PIP5K1A: variants seen among roughly 807,000 people sequenced by gnomAD.
PIP5K1A encodes phosphatidylinositol 4-phosphate 5-kinase type-1 alpha.
A neutral mutation model predicts 72.9 loss-of-function variants in PIP5K1A; 46 were observed. The observed-to-expected ratio is 0.63, with a 90% CI of 0.50 to 0.81. The LOEUF (loss-of-function observed/expected upper bound fraction) is 0.81. Ranked by LOEUF, PIP5K1A falls within the 30% of genes least tolerant of loss-of-function variation. The pLI is 0.00. For missense variants in PIP5K1A, 458 were observed against 706.1 expected (o/e 0.65, Z 3.98); for synonymous variants, 228 against 255.1 (o/e 0.89, Z 1.01).
In PIP5K1A at chr1:151,232,625, C is replaced by T. The variant is rs777769581; in HGVS notation, c.561C>T (p.Ser187=). ...GASGSLFYVS[S]DDEFIIKTVQ... is the part of the protein sequence containing the mutation. ...GTGGTTCCCTATTCTATGTGTCCAG[C>T]GACGATGAGTTCATTATTAAGACAG... Residue 187 remains serine, a synonymous_variant, in exon 7 of 16, where the codon AGC becomes AGT. Transcript: ENST00000368888. 51 of 1,612,138 alleles carry T rather than the reference C, an allele frequency of 3.2e-5. No individual in the cohort carries two copies. Among genetic ancestry groups the T allele is most frequent in the Admixed American group, 1.9e-4 (11 of 59,316 alleles).
At chr1:151,197,662 C>T (rs1684682037), upstream of PIP5K1A, among the ~76,000 whole-genome samples, 1 of 152,200 alleles carries the variant, frequency 6.6e-6, no homozygotes, top group Non-Finnish European at 1.5e-5. Flanking sequence ...GAATGTTTTA[C>T]CATTCCTCTT....
chr1:151,204,152 C>G lies in PIP5K1A; in HGVS notation c.85+5071C>G, dbSNP rs12057875. Among the ~76,000 whole-genome samples the G allele has an allele frequency of 7.3e-3, 1,108 of 152,114 alleles. 14 individuals carry two copies. Among genetic ancestry groups the G allele is most frequent in the African/African-American group, 0.025 (1,036 of 41,510 alleles). On this transcript the variant is annotated intron_variant, in intron 1 of 15. Transcript: ENST00000368888. Reference sequence around the variant, plus strand: ...TGTAACCTGCAGTAATCTGTTAACTCCAGTAGTAGGGATTATTGTTGATAT... The same window carrying G: ...TGTAACCTGCAGTAATCTGTTAACTGCAGTAGTAGGGATTATTGTTGATAT...
rs587654612 is a variant in PIP5K1A, at chr1:151,200,494, T to C, written c.85+1413T>C. Among the ~76,000 whole-genome samples the C allele has an allele frequency of 2.6e-5, 4 of 152,218 alleles. No homozygotes were observed. In the South Asian group the frequency reaches 8.3e-4, roughly 32 times the overall value. ...TCTGGTGTTTCACAGTAACTGCTGC[T>C]TCTACACTGGAATAGACGCTGCCAG... On this transcript the variant is annotated intron_variant, in intron 1 of 15. Coordinates refer to ENST00000368888, the MANE Select transcript of PIP5K1A (RefSeq NM_001135638.2).
chr1:151,224,494 A>G (rs1688830235), intron 3 of PIP5K1A, 88 bp downstream of exon 3: 1 of 965,276 alleles, frequency 1.0e-6, no homozygotes, highest in African/African-American at 1.6e-5. Flanking sequence ...TTTTTAATGT[A>G]CCAAATGCAA....
upstream of PIP5K1A, chr1:151,198,515 G>A (rs1053780273): frequency 1.0e-5 from 2 of 196,788 alleles, no homozygotes; most frequent in Admixed American, 5.5e-5. Flanking sequence ...TGAGTGGGCT[G>A]ATGCCCCGAG....
In PIP5K1A at chr1:151,245,947, C is replaced by G. The variant is rs182495901; in HGVS notation, c.1641-973C>G. Among the ~76,000 whole-genome samples the G allele has an allele frequency of 4.4e-3, 672 of 152,186 alleles. 6 individuals carry two copies. The highest frequency in any genetic ancestry group is 0.014 in the Middle Eastern group (4 of 294). ...TACCCCCAAACTTAGCTGTTGAAAA[C>G]AAACATTTGTTATCTCAGTCTGGGT... is the stretch of plus-strand genomic sequence containing the variant. On this transcript the variant is annotated intron_variant, in intron 14 of 15. Coordinates refer to ENST00000368888, the MANE Select transcript of PIP5K1A (RefSeq NM_001135638.2).
chr1:151,198,534 G>C (rs1684749127), upstream of PIP5K1A: 1 of 194,406 alleles, frequency 5.1e-6, no homozygotes, highest in Non-Finnish European at 1.1e-5. Flanking sequence ...AGAAGGTCGG[G>C]CGCATGCGCA....
intron 7 of PIP5K1A, chr1:151,233,834 A>C (rs1027090135): frequency 4.6e-6 from 1 of 216,084 alleles, no homozygotes; most frequent in Admixed American, 5.2e-5. Context: ...TCTGATTGCT[A>C]TTGGAGGTTC....
At chr1:151,209,193 CAG>C (rs1306423240) in intron 1 of PIP5K1A, among the ~76,000 whole-genome samples, 6 of 152,098 alleles carry the variant, frequency 3.9e-5, no homozygotes, top group Non-Finnish European at 8.8e-5. Context: ...TAACTAGGAC[CAG>C]AGAGATTGCC....
At chr1:151,236,914 A>C in intron 9 of PIP5K1A, 151 bp downstream of exon 9, 1 of 585,692 alleles carries the variant, frequency 1.7e-6, no homozygotes. Context: ...TACTACCTCC[A>C]CCTCCTGGGT....
At chr1:151,225,888 C>T (rs1226003665) in intron 3 of PIP5K1A, among the ~76,000 whole-genome samples, 10 of 148,606 alleles carry the variant, frequency 6.7e-5, no homozygotes, top group Non-Finnish European at 1.5e-5. Flanking sequence ...GTGATTCTCC[C>T]GCCTCAGCCT....
intron 8 of PIP5K1A, 62 bp downstream of exon 8, chr1:151,234,558 C>T: frequency 7.3e-7 from 1 of 1,373,222 alleles, no homozygotes; most frequent in Non-Finnish European, 1.0e-6. Context: ...TGTTCTTAGG[C>T]ATTAAGTTTG....
chr1:151,210,680 G>A (rs1453503887), intron 1 of PIP5K1A, among the ~76,000 whole-genome samples: 1 of 152,064 alleles, frequency 6.6e-6, no homozygotes, highest in African/African-American at 2.4e-5. Flanking sequence ...CCGTCTCCTG[G>A]GTTCAAGTGA....
intron 8 of PIP5K1A, 100 bp downstream of exon 8, chr1:151,234,596 C>T (rs1045139342): frequency 2.3e-6 from 2 of 865,630 alleles, no homozygotes; most frequent in Non-Finnish European, 1.9e-6. Flanking sequence ...TTCCTTAGCA[C>T]TGTATGTCCT....
At chr1:151,220,776 G>C (rs1051068979) in intron 1 of PIP5K1A, among the ~76,000 whole-genome samples, 1 of 152,064 alleles carries the variant, frequency 6.6e-6, no homozygotes, top group Admixed American at 6.6e-5. Flanking sequence ...CTATCACCTA[G>C]CTTTGATAAC....
At position 151,239,243 on chromosome 1, in the gene PIP5K1A, C is replaced by G. The variant is rs587616467; in HGVS notation, c.1278+65C>G. ...TGCCTCCATCACTTCTGATTGGCCTCAGTTTCTTGCAATTTTTTCTTTTTT... is the reference window on the plus strand; with the variant it reads ...TGCCTCCATCACTTCTGATTGGCCTGAGTTTCTTGCAATTTTTTCTTTTTT... On this transcript the variant is annotated intron_variant, in intron 11 of 15. Coordinates refer to ENST00000368888, the MANE Select transcript of PIP5K1A (RefSeq NM_001135638.2). 2.6e-5 allele frequency: 26 copies of G among 987,360 alleles called. No homozygotes were observed. In the South Asian group the frequency reaches 3.6e-4, roughly 14 times the overall value. The allele number at this position is 987,360 out of a possible 1,614,324, so 61.2% of individuals were successfully genotyped here.
intron 3 of PIP5K1A, among the ~76,000 whole-genome samples, chr1:151,225,450 T>TA (rs1472299461): frequency 2.0e-5 from 3 of 149,434 alleles, no homozygotes; most frequent in Non-Finnish European, 4.4e-5. Context: ...TAGACTGCTA[T>TA]ACTGGTTTAC....
intron 1 of PIP5K1A, chr1:151,213,534 A>T (rs1687153651): frequency 6.6e-6 from 1 of 152,160 alleles, no homozygotes; most frequent in Non-Finnish European, 1.5e-5. Context: ...AATCTCTTAT[A>T]TGTGCTGATA....
chr1:151,204,327 C>G (rs768783651), intron 1 of PIP5K1A, among the ~76,000 whole-genome samples: 27 of 152,326 alleles, frequency 1.8e-4, no homozygotes, highest in Non-Finnish European at 4.0e-4. Context: ...CAGGCACCCG[C>G]CAACACGCCC....
Sources: gnomAD v4.1 joint callset for allele counts (sites outside exome capture counted in the v4.1 genomes callset) on GRCh38, gnomAD v4.1.1 for gene constraint, MANE v1.5 for transcripts, NCBI Gene and HGNC (gene_info 2026-07-23, HGNC 2026-07-21) for gene names.